Variants in KLF12 observed in about 807,000 individuals in gnomAD.
The protein encoded by KLF12 is Krueppel-like factor 12.
KLF12 carries 9 observed loss-of-function variants against 37.8 expected under a neutral mutation model. The ratio of observed to expected loss-of-function variants is 0.24; its 90% CI spans 0.14 to 0.42. The LOEUF (loss-of-function observed/expected upper bound fraction) is 0.42. Among genes scored for constraint, KLF12 ranks in the 10% least tolerant of loss-of-function variants. The pLI is 1.00. For missense variants in KLF12, 411 were observed against 516.0 expected, an observed-to-expected ratio of 0.80 and a Z score of 1.97; for synonymous variants, 208 against 202.1, an observed-to-expected ratio of 1.03 and a Z score of -0.25.
At chr13:73,995,472 T>G (rs1053253006) in intron 1 of KLF12, among the ~76,000 whole-genome samples, 3 of 152,320 alleles carry the variant, frequency 2.0e-5, no homozygotes, top group Middle Eastern at 3.4e-3. Flanking sequence ...GCTTCATTAT[T>G]CTTAGCAACT....
At chr13:74,301,862 C>T in the KLF12 span, among the ~76,000 whole-genome samples, 3 of 152,136 alleles carry the variant, frequency 2.0e-5, 1 homozygote, top group African/African-American at 7.2e-5. Flanking sequence ...TTCCCCCTAC[C>T]TGAGCTGCCC....
At chr13:73,973,609 T>C (rs1891408729) in intron 2 of KLF12, among the ~76,000 whole-genome samples, 2 of 131,282 alleles carry the variant, frequency 1.5e-5, no homozygotes, top group Admixed American at 8.5e-5. Flanking sequence ...AACTATAGTA[T>C]GAAAAGGCAG....
intron 4 of KLF12, among the ~76,000 whole-genome samples, chr13:73,826,750 A>G (rs1883866204): frequency 6.7e-6 from 1 of 148,804 alleles, no homozygotes; most frequent in Admixed American, 6.7e-5. Context: ...ATGGCATATA[A>G]CAATATCATA....
At position 74,061,312 on chromosome 13, in the gene KLF12, CAGAT is replaced by C. The variant is rs987315235; in HGVS notation, c.-31-66263_-31-66260del. Reference sequence around the variant, plus strand: ...TGAGGGAGGAACTAGGTTTCAAACACAGATAGGTGGGTTCTGGAGCCTAGCTTTT... The same window carrying C: ...TGAGGGAGGAACTAGGTTTCAAACACAGGTGGGTTCTGGAGCCTAGCTTTT... On this transcript the variant is annotated intron_variant, in intron 1 of 7. Transcript: ENST00000377669. Among the ~76,000 whole-genome samples, 2 of 152,150 alleles carry C rather than the reference CAGAT, an allele frequency of 1.3e-5. 1 individual carries two copies. The highest frequency in any genetic ancestry group is 4.1e-4 in the South Asian group (2 of 4,826).
At chr13:74,159,136 T>A in the KLF12 span, among the ~76,000 whole-genome samples, 8 of 152,186 alleles carry the variant, frequency 5.3e-5, no homozygotes, top group Non-Finnish European at 1.0e-4. Flanking sequence ...GACTTTTGCA[T>A]GTCCCACTAG....
intron 5 of KLF12, among the ~76,000 whole-genome samples, chr13:73,812,388 A>C (rs1882986353): frequency 1.6e-5 from 1 of 61,506 alleles, no homozygotes; most frequent in African/African-American, 7.1e-5. Context: ...CATTCTCACA[A>C]AAAAAAAAAC....
intron 4 of KLF12, among the ~76,000 whole-genome samples, chr13:73,838,413 A>G (rs2138633106): frequency 6.6e-6 from 1 of 152,298 alleles, no homozygotes; most frequent in South Asian, 2.1e-4. Context: ...AAATATAGTA[A>G]GAAAGCAACA....
At chr13:73,772,094 C>A (rs1450344401) in intron 5 of KLF12, among the ~76,000 whole-genome samples, 1 of 152,222 alleles carries the variant, frequency 6.6e-6, no homozygotes, top group Non-Finnish European at 1.5e-5. Context: ...AACTGGGTCA[C>A]AGAGCTGTGC....
At chr13:74,172,103 G>A in the KLF12 span, among the ~76,000 whole-genome samples, 1 of 149,876 alleles carries the variant, frequency 6.7e-6, no homozygotes, top group Non-Finnish European at 1.5e-5. Context: ...AACTGGTTGA[G>A]ACAATGTAGA....
the KLF12 span, among the ~76,000 whole-genome samples, chr13:74,280,801 A>G: frequency 1.4e-4 from 21 of 150,276 alleles, no homozygotes; most frequent in South Asian, 4.4e-3. Context: ...AAACTACACC[A>G]TACTCATCTT....
intron 1 of KLF12, among the ~76,000 whole-genome samples, chr13:74,065,430 T>A (rs1043409138): frequency 2.0e-5 from 3 of 147,132 alleles, no homozygotes; most frequent in Admixed American, 7.0e-5. Context: ...ATGAAGTAAT[T>A]TATCTGGATC....
intron 7 of KLF12, among the ~76,000 whole-genome samples, chr13:73,703,430 T>C (rs1209385042): frequency 3.9e-5 from 6 of 152,156 alleles, no homozygotes; most frequent in Admixed American, 2.0e-4. Flanking sequence ...ATCTATTCCA[T>C]AATGTCCATT....
intron 1 of KLF12, among the ~76,000 whole-genome samples, chr13:73,997,050 T>C (rs1456865365): frequency 3.3e-5 from 5 of 152,206 alleles, no homozygotes; most frequent in African/African-American, 4.8e-5. Flanking sequence ...TTTAAATTTA[T>C]ATTTCTGTAG....
chr13:73,963,095 A>T (rs920876615), intron 2 of KLF12, among the ~76,000 whole-genome samples: 7 of 152,180 alleles, frequency 4.6e-5, no homozygotes, highest in Non-Finnish European at 1.0e-4. Flanking sequence ...TTCTGCATTT[A>T]ATCATTTTTC....
intron 3 of KLF12, among the ~76,000 whole-genome samples, chr13:73,938,715 G>T (rs1027235544): frequency 1.3e-5 from 2 of 152,174 alleles, no homozygotes; most frequent in Admixed American, 6.5e-5. Context: ...CTGCAGAATG[G>T]TTTCTAAGAG....
chr13:74,258,491 G>A, the KLF12 span: 1 of 152,132 alleles, frequency 6.6e-6, no homozygotes, highest in East Asian at 1.9e-4. Flanking sequence ...AACAAGCAGA[G>A]ATTAATAACC....
intron 2 of KLF12, among the ~76,000 whole-genome samples, chr13:73,971,001 A>C (rs1329557973): frequency 2.0e-5 from 3 of 152,202 alleles, no homozygotes. Flanking sequence ...TCTTTGAAAA[A>C]CAGAAAAGTT....
chr13:74,083,493 GACACACACACACACACACACACACACAC>G (rs61312097), intron 1 of KLF12, among the ~76,000 whole-genome samples: 2 of 136,418 alleles, frequency 1.5e-5, no homozygotes, highest in Non-Finnish European at 3.1e-5. Flanking sequence ...GGCGATAGGA[GACACACACACACACACACACACACACAC>G]ACACACACAC....
intron 7 of KLF12, among the ~76,000 whole-genome samples, chr13:73,706,623 A>G (rs1874968230): frequency 1.3e-5 from 2 of 152,226 alleles, no homozygotes. Context: ...GGTGGCACTG[A>G]AACATGCTTG....
Sources: allele counts gnomAD v4.1 joint callset (sites outside exome capture counted in the v4.1 genomes callset), GRCh38; gene constraint gnomAD v4.1.1; transcripts MANE v1.5; gene names NCBI Gene and HGNC (gene_info 2026-07-23, HGNC 2026-07-21).